The following SLC5A4 variants were observed in gnomAD, a reference collection of about 807,000 sequenced individuals.
SLC5A4 encodes the protein solute carrier family 5 member 4.
In SLC5A4, 55 loss-of-function variants were observed where a neutral mutation model predicts 70.3. The ratio of observed to expected loss-of-function variants is 0.78; its 90% CI spans 0.63 to 0.98. The LOEUF (loss-of-function observed/expected upper bound fraction) is 0.98. Among genes scored for constraint, SLC5A4 ranks in the 50% least tolerant of loss-of-function variants. The pLI is 0.00. For missense variants in SLC5A4, 735 were observed against 839.2 expected (o/e 0.88, Z 1.53); for synonymous variants, 268 against 305.7 (o/e 0.88, Z 1.29).
the SLC5A4 span, among the ~76,000 whole-genome samples, chr22:32,344,471 G>A: frequency 5.9e-5 from 9 of 151,948 alleles, no homozygotes; most frequent in South Asian, 8.3e-4. Flanking sequence ...TTATGTACAC[G>A]TACATAAAGT....
chr22:32,271,848 C>T, the SLC5A4 span: 167 of 607,372 alleles, frequency 2.7e-4, no homozygotes, highest in Middle Eastern at 8.4e-4. Context: ...AGGAAGATCC[C>T]GCTGTGCTGC....
At chr22:32,337,501 T>TCCA in the SLC5A4 span, among the ~76,000 whole-genome samples, 3 of 151,170 alleles carry the variant, frequency 2.0e-5, no homozygotes, top group Non-Finnish European at 4.4e-5. Flanking sequence ...ACCACGGCAC[T>TCCA]CCAGCCTGGG....
At chr22:32,312,245 T>C in the SLC5A4 span, among the ~76,000 whole-genome samples, 2 of 151,854 alleles carry the variant, frequency 1.3e-5, no homozygotes, top group African/African-American at 4.8e-5. Flanking sequence ...AGCCTGAACA[T>C]TGACACGGAT....
At chr22:32,294,671 CTTTT>C in the SLC5A4 span, among the ~76,000 whole-genome samples, 1 of 148,704 alleles carries the variant, frequency 6.7e-6, no homozygotes, top group African/African-American at 2.5e-5. Context: ...TTGGCTTTTT[CTTTT>C]TATTATACTT....
At chr22:32,231,980 A>C (rs1295775353) in intron 9 of SLC5A4, among the ~76,000 whole-genome samples, 3 of 152,062 alleles carry the variant, frequency 2.0e-5, no homozygotes, top group Non-Finnish European at 4.4e-5. Flanking sequence ...TCCTGGGTTC[A>C]AGCAGTCCTC....
the SLC5A4 span, among the ~76,000 whole-genome samples, chr22:32,300,942 G>A: frequency 6.6e-6 from 1 of 152,118 alleles, no homozygotes; most frequent in African/African-American, 2.4e-5. Context: ...TACTGTTGTT[G>A]GGTTAGATGG....
chr22:32,282,144 C>T, the SLC5A4 span, among the ~76,000 whole-genome samples: 1 of 152,180 alleles, frequency 6.6e-6, no homozygotes, highest in Non-Finnish European at 1.5e-5. Flanking sequence ...CGCTCGGCCA[C>T]TTCCGTGTTT....
chr22:32,347,707 G>C, the SLC5A4 span, among the ~76,000 whole-genome samples: 3 of 118,818 alleles, frequency 2.5e-5, no homozygotes, highest in Non-Finnish European at 3.4e-5. Context: ...GACTGTTGTG[G>C]GGTGGGGGGA....
chr22:32,290,090 CTTTTA>C, the SLC5A4 span, among the ~76,000 whole-genome samples: 4 of 150,330 alleles, frequency 2.7e-5, no homozygotes, highest in Admixed American at 6.6e-5. Context: ...TTTCTTTTTA[CTTTTA>C]TTTTACTTTA....
At chr22:32,228,370 A>G (rs1264462664) in intron 11 of SLC5A4, among the ~76,000 whole-genome samples, 1 of 152,010 alleles carries the variant, frequency 6.6e-6, no homozygotes, top group Non-Finnish European at 1.5e-5. Flanking sequence ...GTGAATCCCT[A>G]TCTCTACTAA....
chr22:32,324,919 G>T, the SLC5A4 span, among the ~76,000 whole-genome samples: 1 of 152,240 alleles, frequency 6.6e-6, no homozygotes, highest in Admixed American at 6.5e-5. Context: ...GTCAACTCTT[G>T]TTCTGCTTTC....
the SLC5A4 span, among the ~76,000 whole-genome samples, chr22:32,346,316 C>T: frequency 1.3e-5 from 2 of 152,070 alleles, no homozygotes; most frequent in East Asian, 1.9e-4. Context: ...ATATTATTGT[C>T]GCTACCAATG....
the SLC5A4 span, among the ~76,000 whole-genome samples, chr22:32,330,750 T>C: frequency 5.3e-5 from 6 of 112,670 alleles, no homozygotes; most frequent in Admixed American, 3.0e-4. Context: ...CGTGTGTGTG[T>C]TGGAAGCTCT....
Position 32,235,121 on chromosome 22 carries a change from T to C in SLC5A4, c.665-28A>G, listed in dbSNP as rs1039903287. 4 of 1,516,886 alleles carry C rather than the reference T, an allele frequency of 2.6e-6. No homozygotes were observed. In the African/African-American group the frequency reaches 4.1e-5, roughly 16 times the overall value. The allele number at this position is 1,516,886 out of a possible 1,614,324, so 94.0% of individuals were successfully genotyped here. A position where few individuals can be genotyped will look rare whatever the true frequency, so the allele number is the denominator to read the frequency against. ...AAAAAGGCATCAGAGTAAAATGAGA[T>C]GTCTTACTGAAATCTAAGACATCCA... On this transcript the variant is annotated intron_variant, in intron 7 of 14. Coordinates refer to ENST00000266086, the MANE Select transcript of SLC5A4 (RefSeq NM_014227.3).
At position 32,254,164 on chromosome 22, in the gene SLC5A4, C is replaced by G. The variant is rs1237930900; in HGVS notation, c.185G>C (p.Gly62Ala). Residue 62 changes from glycine to alanine, a missense_variant, in exon 2 of 15, where the codon GGT (glycine) becomes GCT (alanine). By Grantham distance (60) the Gly-to-Ala change is moderately conservative. Transcript: ENST00000266086. ...RGTIGGFFLA[G>A]RDMAWWPMGA... ...TACCGGCCACCAGGCCATATCACGA[C>G]CAGCGAGGAAGAAGCCTCCTATAGT... 1 of 1,613,920 alleles carries G rather than the reference C, an allele frequency of 6.2e-7. No individual in the cohort carries two copies. The highest frequency in any genetic ancestry group is 1.3e-5 in the African/African-American group (1 of 74,920).
chr22:32,226,534 C>T (rs1475218990), intron 11 of SLC5A4, among the ~76,000 whole-genome samples: 2 of 152,204 alleles, frequency 1.3e-5, no homozygotes, highest in East Asian at 1.9e-4. Flanking sequence ...AGCATTTGGG[C>T]AGGAGACTGA....
the SLC5A4 span, among the ~76,000 whole-genome samples, chr22:32,279,139 G>A: frequency 6.6e-6 from 1 of 152,134 alleles, no homozygotes; most frequent in Non-Finnish European, 1.5e-5. Context: ...AGCCGGGCGT[G>A]GTGGCGGGCA....
At chr22:32,350,662 A>C in the SLC5A4 span, among the ~76,000 whole-genome samples, 1 of 152,170 alleles carries the variant, frequency 6.6e-6, no homozygotes, top group Non-Finnish European at 1.5e-5. Context: ...AAACACACCT[A>C]AGAAACTGCA....
intron 11 of SLC5A4, among the ~76,000 whole-genome samples, chr22:32,227,921 C>T (rs944229495): frequency 5.3e-5 from 8 of 151,846 alleles, no homozygotes; most frequent in East Asian, 1.9e-4. Flanking sequence ...GAGCCAAGAT[C>T]GAGCCACTGC....
Sources: allele counts gnomAD v4.1 joint callset (sites outside exome capture counted in the v4.1 genomes callset), GRCh38; gene constraint gnomAD v4.1.1; transcripts MANE v1.5; gene names NCBI Gene and HGNC (gene_info 2026-07-23, HGNC 2026-07-21).